The following ANKRD46 variants were observed in gnomAD, a reference collection of about 807,000 sequenced individuals.
ANKRD46 encodes the protein ankyrin repeat domain 46.
Under a neutral mutation model 19.8 loss-of-function variants are expected in ANKRD46, and 13 were observed. That is an observed-to-expected ratio of 0.66 (90% CI 0.43 to 1.04). The LOEUF (loss-of-function observed/expected upper bound fraction) is 1.04. ANKRD46 is among the 50% of genes least tolerant of loss of function. The pLI, the probability that ANKRD46 is intolerant of heterozygous loss-of-function variation, is 0.00. For synonymous variants in ANKRD46, 91 were observed against 106.9 expected, an observed-to-expected ratio of 0.85 and a Z score of 0.92; for missense variants, 185 against 274.8, an observed-to-expected ratio of 0.67 and a Z score of 2.31.
intron 1 of ANKRD46, among the ~76,000 whole-genome samples, chr8:100,535,771 G>A (rs1001656498): frequency 2.0e-5 from 3 of 152,126 alleles, no homozygotes; most frequent in Admixed American, 2.0e-4. Context: ...AGTATTCCGT[G>A]GCATGGGTGT....
chr8:100,528,702 G>A (rs765325354), intron 3 of ANKRD46, among the ~76,000 whole-genome samples: 12 of 151,996 alleles, frequency 7.9e-5, no homozygotes, highest in Non-Finnish European at 1.6e-4. Context: ...GCTATTTAGC[G>A]CTAATAATAG....
Position 100,532,520 on chromosome 8 carries a change from T to A in ANKRD46, c.-28+689A>T, listed in dbSNP as rs968329250. 2.0e-5 allele frequency: 3 copies of A among 151,996 alleles called. No homozygotes were observed. Among genetic ancestry groups the A allele is most frequent in the Admixed American group, 2.0e-4 (3 of 15,262 alleles). The allele number at this position is 151,996 out of a possible 1,614,324, so 9.4% of individuals were successfully genotyped here. A position where few individuals can be genotyped will look rare whatever the true frequency, so the allele number is the denominator to read the frequency against. On this transcript the variant is annotated intron_variant, in intron 2 of 4. Transcript: ENST00000335659. This position sits in a 1 kb window ranked among gnomAD's most constrained non-coding sequence, Gnocchi z 4.7. ...CAAACCAACAAACAGAAAAACTCAA[T>A]GAGAAGAATTTACTCAATAAAATAG...
At chr8:100,540,003 G>A (rs1812143662) in intron 1 of ANKRD46, among the ~76,000 whole-genome samples, 1 of 152,142 alleles carries the variant, frequency 6.6e-6, no homozygotes, top group African/African-American at 2.4e-5. Flanking sequence ...AGAGAAAAAA[G>A]AATTTCCTGT....
Position 100,527,617 on chromosome 8 carries a change from G to T in ANKRD46, c.470+228C>A, listed in dbSNP as rs1242895564. Among the ~76,000 whole-genome samples the T allele has an allele frequency of 6.6e-6, 1 of 152,134 alleles. No homozygotes were observed. The highest frequency in any genetic ancestry group is 1.5e-5 in the Non-Finnish European group (1 of 68,042). On this transcript the variant is annotated intron_variant, in intron 4 of 4. Transcript: ENST00000335659. This position sits in a 1 kb window ranked among gnomAD's most constrained non-coding sequence, Gnocchi z 4.0. Reference sequence around the variant, plus strand: ...CTGCAGTCATAAGGTCCTATATAAAGTTCAAGTTGCACTTAAAAGCAAATG... The same window carrying T: ...CTGCAGTCATAAGGTCCTATATAAATTTCAAGTTGCACTTAAAAGCAAATG...
At chr8:100,515,798 C>A (rs1811621322), downstream of ANKRD46, among the ~76,000 whole-genome samples, 3 of 152,056 alleles carry the variant, frequency 2.0e-5, no homozygotes, top group South Asian at 6.2e-4. Context: ...TCCCCTTGGT[C>A]TCCCCAACCC....
Position 100,525,146 on chromosome 8 carries a change from A to G in ANKRD46, c.471-2375T>C, listed in dbSNP as rs577042409. On this transcript the variant is annotated intron_variant, in intron 4 of 4. Transcript: ENST00000335659. The surrounding 1 kb of genome is among the most constrained non-coding windows in gnomAD (Gnocchi z 4.4). ...AGAAATGGAAAATATTATAGTAAAT[A>G]CATTTAAAACCCTGCTTTATCTTCT... Among the ~76,000 whole-genome samples the G allele has an allele frequency of 6.6e-6, 1 of 152,340 alleles. No homozygotes were observed. Among genetic ancestry groups the G allele is most frequent in the East Asian group, 1.9e-4 (1 of 5,190 alleles).
rs1014817944 is a variant in ANKRD46 at position 100,550,187 on chromosome 8, G to T, written c.-131+9524C>A. Among the ~76,000 whole-genome samples, 2 of 152,214 alleles carry T rather than the reference G, an allele frequency of 1.3e-5. No individual in the cohort carries two copies. Among genetic ancestry groups the T allele is most frequent in the African/African-American group, 4.8e-5 (2 of 41,444 alleles). Reference sequence around the variant, plus strand: ...CACTCCTTTGGGTAAATACCAAGGAGCATGATTGCTGGATGGTAAGAGTAT... The same window carrying T: ...CACTCCTTTGGGTAAATACCAAGGATCATGATTGCTGGATGGTAAGAGTAT... On this transcript the variant is annotated intron_variant, in intron 1 of 4. Coordinates refer to ENST00000335659, the MANE Select transcript of ANKRD46 (RefSeq NM_001270377.2). This position sits in a 1 kb window ranked among gnomAD's most constrained non-coding sequence, Gnocchi z 4.4.
chr8:100,546,858 A>AT lies in ANKRD46; in HGVS notation c.-131+12852dup, dbSNP rs1285404668. 6.6e-6 allele frequency among the ~76,000 whole-genome samples: 1 copy of AT among 152,158 alleles called. No homozygotes were observed. Among genetic ancestry groups the AT allele is most frequent in the Non-Finnish European group, 1.5e-5 (1 of 68,026 alleles). The stretch of plus-strand genomic sequence containing the variant: ...GATGTGAGACATGGAGTTAAAGGAG[A>AT]TTTTGGAGTTTAAGATTCAATGACT... On this transcript the variant is annotated intron_variant, in intron 1 of 4. Transcript: ENST00000335659. The surrounding 1 kb of genome is among the most constrained non-coding windows in gnomAD (Gnocchi z 4.0).
chr8:100,520,951 A>G lies in ANKRD46; in HGVS notation c.*1604T>C, dbSNP rs1039665713. 49 of 985,012 alleles carry G rather than the reference A, an allele frequency of 5.0e-5. No individual in the cohort carries two copies. The highest frequency in any genetic ancestry group is 5.8e-5 in the Non-Finnish European group (48 of 829,740). 61.0% of individuals were successfully genotyped at this position (985,012 alleles called of 1,614,324 possible). A position where few individuals can be genotyped will look rare whatever the true frequency, so the allele number is the denominator to read the frequency against. On this transcript the variant is annotated 3_prime_UTR_variant, in exon 5 of 5. Transcript: ENST00000335659. ...CAAACAAATGTAAAGCTAATTCCAA[A>G]GTTTTCTTCTGAATATACTTCAAAT...
intron 1 of ANKRD46, among the ~76,000 whole-genome samples, chr8:100,553,409 T>C (rs546619619): frequency 6.6e-6 from 1 of 152,336 alleles, no homozygotes; most frequent in South Asian, 2.1e-4. Flanking sequence ...AAAATGCCTA[T>C]ATAAACTGTT....
At position 100,552,246 on chromosome 8, in the gene ANKRD46, C is replaced by G. The variant is rs1262340521; in HGVS notation, c.-131+7465G>C. Among the ~76,000 whole-genome samples the G allele has an allele frequency of 2.0e-5, 3 of 151,184 alleles. No individual in the cohort carries two copies. In the East Asian group the frequency reaches 5.8e-4, roughly 29 times the overall value. On this transcript the variant is annotated intron_variant, in intron 1 of 4. Transcript: ENST00000335659. ...CTGTTATCAAATTGTAATTTAATTC[C>G]TTTTCGTCTGAGATCAGATATTGGA... is the stretch of plus-strand genomic sequence containing the variant.
rs1812368278 is a variant in ANKRD46, at chr8:100,550,697, C to T, written c.-131+9014G>A. 6.4e-6 allele frequency: 2 copies of T among 312,102 alleles called. No homozygotes were observed. Among genetic ancestry groups the T allele is most frequent in the African/African-American group, 2.2e-5 (1 of 45,404 alleles). 19.3% of individuals were successfully genotyped at this position (312,102 alleles called of 1,614,324 possible). ...AAGGTCTCTTTCTTCCTCTTGTGCT[C>T]TCACTGGGGCTGGTTGTCGAGCAGT... is the stretch of plus-strand genomic sequence containing the variant. On this transcript the variant is annotated intron_variant, in intron 1 of 4. Coordinates refer to ENST00000335659, the MANE Select transcript of ANKRD46 (RefSeq NM_001270377.2). The surrounding 1 kb of genome is among the most constrained non-coding windows in gnomAD (Gnocchi z 4.4).
chr8:100,521,658 A>G lies in ANKRD46; in HGVS notation c.*897T>C. 1 of 985,458 alleles carries G rather than the reference A, an allele frequency of 1.0e-6. No individual in the cohort carries two copies. 61.0% of individuals were successfully genotyped at this position (985,458 alleles called of 1,614,324 possible). ...ATTGCACATGAAATAATTATGAACT[A>G]TGATAAAACTGTGACAACACAGCTA... On this transcript the variant is annotated 3_prime_UTR_variant, in exon 5 of 5. Coordinates refer to ENST00000335659, the MANE Select transcript of ANKRD46 (RefSeq NM_001270377.2).
At chr8:100,515,101 T>G (rs1811607679) in intron 5 of ANKRD46, among the ~76,000 whole-genome samples, 1 of 152,198 alleles carries the variant, frequency 6.6e-6, no homozygotes, top group Non-Finnish European at 1.5e-5. Context: ...TTGTTTTTGT[T>G]TTTGTTTTTT....
At position 100,558,632 on chromosome 8, in the gene ANKRD46, A is replaced by C. The variant is rs368744115; in HGVS notation, c.-131+1079T>G. Among the ~76,000 whole-genome samples, 8 of 152,354 alleles carry C rather than the reference A, an allele frequency of 5.3e-5. 1 individual carries two copies. Among genetic ancestry groups the C allele is most frequent in the African/African-American group, 1.9e-4 (8 of 41,584 alleles). ...CATATAACCATGAAAACTAAGCCTG[A>C]GAGAAATCAGTTCAGGCTACAAATC... On this transcript the variant is annotated intron_variant, in intron 1 of 4. Transcript: ENST00000335659.
Position 100,559,362 on chromosome 8 carries a change from T to A in ANKRD46, c.-131+349A>T, listed in dbSNP as rs1812566846. On this transcript the variant is annotated intron_variant, in intron 1 of 4. Coordinates refer to ENST00000335659, the MANE Select transcript of ANKRD46 (RefSeq NM_001270377.2). This position sits in a 1 kb window ranked among gnomAD's most constrained non-coding sequence, Gnocchi z 6.0. ...CTCGCCCCGGCCGAGCAGCTGGACC[T>A]GCGGCGTGGCTTCCGCGCTCCACCC... 1 of 152,312 alleles carries A rather than the reference T, an allele frequency of 6.6e-6. No individual in the cohort carries two copies. The highest frequency in any genetic ancestry group is 1.5e-5 in the Non-Finnish European group (1 of 68,190). The allele number at this position is 152,312 out of a possible 1,614,324, so 9.4% of individuals were successfully genotyped here. A position where few individuals can be genotyped will look rare whatever the true frequency, so the allele number is the denominator to read the frequency against.
At position 100,525,201 on chromosome 8, in the gene ANKRD46, C is replaced by T. The variant is rs1171313736; in HGVS notation, c.471-2430G>A. 6.6e-6 allele frequency among the ~76,000 whole-genome samples: 1 copy of T among 152,166 alleles called. No homozygotes were observed. Among genetic ancestry groups the T allele is most frequent in the Admixed American group, 6.5e-5 (1 of 15,286 alleles). On this transcript the variant is annotated intron_variant, in intron 4 of 4. Coordinates refer to ENST00000335659, the MANE Select transcript of ANKRD46 (RefSeq NM_001270377.2). The surrounding 1 kb of genome is among the most constrained non-coding windows in gnomAD (Gnocchi z 4.4). ...TAGAAAAAGCCATTACACAATTATG[C>T]CATAATGCCATGTGCTAGCCAATCT...
rs184284189 is a variant in ANKRD46 at position 100,527,203 on chromosome 8, G to A, written c.470+642C>T. 2.9e-4 allele frequency among the ~76,000 whole-genome samples: 44 copies of A among 152,222 alleles called. No individual in the cohort carries two copies. The highest frequency in any genetic ancestry group is 9.6e-4 in the African/African-American group (40 of 41,540). ...CTGTCAGTTACCACATCTTAGCTTCGATTACTCACAGGAATCCAAATTTCA... is the reference window on the plus strand; with the variant it reads ...CTGTCAGTTACCACATCTTAGCTTCAATTACTCACAGGAATCCAAATTTCA... On this transcript the variant is annotated intron_variant, in intron 4 of 4. Transcript: ENST00000335659. The surrounding 1 kb of genome is among the most constrained non-coding windows in gnomAD (Gnocchi z 4.0).
rs1341187470 is a variant in ANKRD46, at chr8:100,544,386, A to G, written c.-130-11075T>C. Among the ~76,000 whole-genome samples, 1 of 152,254 alleles carries G rather than the reference A, an allele frequency of 6.6e-6. No homozygotes were observed. The highest frequency in any genetic ancestry group is 1.9e-4 in the East Asian group (1 of 5,204). On this transcript the variant is annotated intron_variant, in intron 1 of 4. Transcript: ENST00000335659. The surrounding 1 kb of genome is among the most constrained non-coding windows in gnomAD (Gnocchi z 4.4). ...AAAAGACTATAATCAACATCTAGAA[A>G]GAAGTGAGCATTGGATCAAATCTCA...
Sources: gnomAD v4.1 joint callset for allele counts (sites outside exome capture counted in the v4.1 genomes callset) on GRCh38, gnomAD v4.1.1 for gene constraint, Gnocchi (gnomAD v3.1) non-coding constraint, MANE v1.5 for transcripts, NCBI Gene and HGNC (gene_info 2026-07-23, HGNC 2026-07-21) for gene names.